The following SIPA1L2 variants were observed in gnomAD, a reference collection of about 807,000 sequenced individuals.
SIPA1L2 encodes the protein signal induced proliferation associated 1 like 2.
In SIPA1L2, 56 loss-of-function variants were observed where a neutral mutation model predicts 163.9. The ratio of observed to expected loss-of-function variants is 0.34; its 90% CI spans 0.28 to 0.43. The LOEUF (loss-of-function observed/expected upper bound fraction) is 0.43. Among genes scored for constraint, SIPA1L2 ranks in the 20% least tolerant of loss-of-function variants. The pLI, the probability that SIPA1L2 is intolerant of heterozygous loss-of-function variation, is 1.00. For synonymous variants in SIPA1L2, 877 were observed against 865.7 expected, an observed-to-expected ratio of 1.01 and a Z score of -0.23; for missense variants, 1,974 against 2,193.5, an observed-to-expected ratio of 0.90 and a Z score of 2.00.
intron 2 of SIPA1L2, among the ~76,000 whole-genome samples, chr1:232,562,224 G>C (rs1659078419): frequency 6.6e-6 from 1 of 152,206 alleles, no homozygotes; most frequent in Admixed American, 6.5e-5. Flanking sequence ...TGCACATTTT[G>C]AATGCCAAGG....
intron 2 of SIPA1L2, among the ~76,000 whole-genome samples, chr1:232,526,927 G>C (rs952794099): frequency 1.3e-5 from 2 of 152,278 alleles, no homozygotes; most frequent in South Asian, 4.1e-4. Flanking sequence ...GTCCTCTTCT[G>C]AGGGGGCCTC....
At chr1:232,492,645 G>A (rs1424703528) in intron 4 of SIPA1L2, among the ~76,000 whole-genome samples, 5 of 152,198 alleles carry the variant, frequency 3.3e-5, no homozygotes, top group South Asian at 2.1e-4. Context: ...GTAACAAAGC[G>A]TGGGTAGTAA....
intron 15 of SIPA1L2, among the ~76,000 whole-genome samples, chr1:232,438,535 C>T (rs1662697628): frequency 6.6e-6 from 1 of 152,242 alleles, no homozygotes; most frequent in African/African-American, 2.4e-5. Context: ...TATTAAACAT[C>T]TACACTTACA....
intron 5 of SIPA1L2, among the ~76,000 whole-genome samples, chr1:232,485,560 A>G (rs1386815931): frequency 6.6e-6 from 1 of 152,222 alleles, no homozygotes; most frequent in African/African-American, 2.4e-5. Context: ...AAAAATGCCT[A>G]ACCTCATTTT....
intron 1 of SIPA1L2, among the ~76,000 whole-genome samples, chr1:232,616,631 G>C (rs1285893889): frequency 5.3e-5 from 8 of 152,188 alleles, no homozygotes; most frequent in Admixed American, 5.2e-4. Context: ...CGGACTTTGG[G>C]CTGTCACCCT....
intron 4 of SIPA1L2, 74 bp downstream of exon 4, chr1:232,493,452 TA>T: frequency 6.4e-7 from 1 of 1,568,966 alleles, no homozygotes; most frequent in Non-Finnish European, 8.7e-7. Flanking sequence ...GTACCCTATC[TA>T]AAACAAACTG....
chr1:232,430,764 G>A (rs1361161884), intron 16 of SIPA1L2, among the ~76,000 whole-genome samples: 2 of 152,110 alleles, frequency 1.3e-5, no homozygotes, highest in Non-Finnish European at 2.9e-5. Context: ...AAATCCTCCC[G>A]ATAAAATGCA....
intron 1 of SIPA1L2, among the ~76,000 whole-genome samples, chr1:232,604,432 G>A (rs1291510255): frequency 2.0e-5 from 3 of 152,124 alleles, no homozygotes; most frequent in African/African-American, 7.2e-5. Flanking sequence ...ATAGTTTACT[G>A]TGCACCTACT....
chr1:232,548,795 C>T (rs1022744211), intron 2 of SIPA1L2, among the ~76,000 whole-genome samples: 1 of 152,128 alleles, frequency 6.6e-6, no homozygotes, highest in Non-Finnish European at 1.5e-5. Flanking sequence ...CAGAACACAT[C>T]ACAGAAGGAT....
chr1:232,443,535 T>C, intron 12 of SIPA1L2, 67 bp downstream of exon 12: 4 of 1,293,024 alleles, frequency 3.1e-6, no homozygotes, highest in Non-Finnish European at 4.2e-6. Context: ...ACACAGTAAA[T>C]GCTTTTCAAT....
In SIPA1L2 at chr1:232,455,607, T is replaced by TGAGGCGGAGCTTGCAGC. The variant is rs71744612; in HGVS notation, c.3095+5263_3095+5279dup. On this transcript the variant is annotated intron_variant, in intron 10 of 22. Transcript: ENST00000674635. ...GAAGCAGGAGAATGGCGTGAACCCGTGAGGCGGAGCTTGCAGCGAGGCGGA... is the reference window on the plus strand; with the variant it reads ...GAAGCAGGAGAATGGCGTGAACCCGTGAGGCGGAGCTTGCAGCGAGGCGGAGCTTGCAGCGAGGCGGA... Among the ~76,000 whole-genome samples the TGAGGCGGAGCTTGCAGC allele has an allele frequency of 3.6e-3, 527 of 147,240 alleles. 2 individuals carry two copies. The highest frequency in any genetic ancestry group is 7.9e-3 in the African/African-American group (302 of 38,294).
At chr1:232,578,241 G>GTT (rs1206241130) in intron 1 of SIPA1L2, among the ~76,000 whole-genome samples, 1 of 151,154 alleles carries the variant, frequency 6.6e-6, no homozygotes, top group Non-Finnish European at 1.5e-5. Flanking sequence ...TAGCGTAACT[G>GTT]TAACTTTTAA....
intron 1 of SIPA1L2, among the ~76,000 whole-genome samples, chr1:232,603,017 G>T (rs1428724740): frequency 6.6e-6 from 1 of 152,154 alleles, no homozygotes; most frequent in Non-Finnish European, 1.5e-5. Context: ...CAGGAGCAGG[G>T]GGGATAAAAA....
At chr1:232,545,799 A>G (rs531500522) in intron 2 of SIPA1L2, among the ~76,000 whole-genome samples, 14 of 152,334 alleles carry the variant, frequency 9.2e-5, no homozygotes, top group African/African-American at 3.4e-4. Flanking sequence ...ATAATGTTCT[A>G]TAATATTTTT....
chr1:232,572,004 T>C (rs923625107), intron 2 of SIPA1L2, among the ~76,000 whole-genome samples: 3 of 152,240 alleles, frequency 2.0e-5, no homozygotes, highest in Non-Finnish European at 2.9e-5. Context: ...CTCCCTATTG[T>C]ATACGGTAGC....
intron 10 of SIPA1L2, 78 bp from the exon 11 acceptor site, chr1:232,445,864 C>T: frequency 6.6e-7 from 1 of 1,522,672 alleles, no homozygotes; most frequent in Non-Finnish European, 8.9e-7. Flanking sequence ...AGCTGGGCCC[C>T]TCAACACACA....
chr1:232,450,502 C>A (rs986784651), intron 10 of SIPA1L2, among the ~76,000 whole-genome samples: 4 of 152,200 alleles, frequency 2.6e-5, no homozygotes, highest in Non-Finnish European at 5.9e-5. Context: ...ACTGGATGTT[C>A]AGGTGAACAC....
intron 1 of SIPA1L2, among the ~76,000 whole-genome samples, chr1:232,609,458 A>C (rs1662125383): frequency 6.6e-6 from 1 of 152,206 alleles, no homozygotes; most frequent in Non-Finnish European, 1.5e-5. Flanking sequence ...AAAACAAAAC[A>C]GAGAAACCAT....
At position 232,554,774 on chromosome 1, in the gene SIPA1L2, C is replaced by G. The variant is rs569616565; in HGVS notation, c.-270+19400G>C. On this transcript the variant is annotated intron_variant, in intron 2 of 22. Transcript: ENST00000674635. ...TTGGGTGTTGTTCCCAGGCATTCCA[C>G]GGAGTTTCTTGGTTTAATTTTATCT... Among the ~76,000 whole-genome samples the G allele has an allele frequency of 2.8e-4, 43 of 152,234 alleles. 1 individual carries two copies. The South Asian group carries it at 8.5e-3, about 30-fold the overall frequency.
Sources: allele counts gnomAD v4.1 joint callset (sites outside exome capture counted in the v4.1 genomes callset), GRCh38; gene constraint gnomAD v4.1.1; transcripts MANE v1.5; gene names NCBI Gene and HGNC (gene_info 2026-07-23, HGNC 2026-07-21).